The following DYNC2I2 variants were observed in gnomAD, a reference collection of about 807,000 sequenced individuals.
DYNC2I2 encodes dynein 2 intermediate chain 2.
DYNC2I2 carries 39 observed loss-of-function variants against 52.0 expected under a neutral mutation model. The observed-to-expected ratio is 0.75, with a 90% CI of 0.58 to 0.98. The LOEUF is 0.98. Among genes scored for constraint, DYNC2I2 ranks in the 50% least tolerant of loss-of-function variants. DYNC2I2 has a pLI of 0.00. For synonymous variants in DYNC2I2, 359 were observed against 321.1 expected (o/e 1.12, Z -1.26); for missense variants, 743 against 728.4 (o/e 1.02, Z -0.23).
chr9:128,670,927 C>A, the DYNC2I2 span, among the ~76,000 whole-genome samples: 1 of 150,572 alleles, frequency 6.6e-6, no homozygotes, highest in Non-Finnish European at 1.5e-5. Flanking sequence ...ATCAGCCAGG[C>A]GTGGTGGCAC....
intron 1 of DYNC2I2, among the ~76,000 whole-genome samples, chr9:128,649,016 G>A (rs1171231459): frequency 6.6e-6 from 1 of 152,122 alleles, no homozygotes; most frequent in Non-Finnish European, 1.5e-5. Context: ...ACTCACCCCT[G>A]CCCTCAAGGA....
At chr9:128,635,347 GA>G (rs1027007055) in intron 5 of DYNC2I2, 88 bp from the exon 6 acceptor site, 46,802 of 985,942 alleles carry the variant, frequency 0.047, no homozygotes, top group South Asian at 0.074. Flanking sequence ...TCTCTTCCAG[GA>G]AAAAAAAAAA....
upstream of DYNC2I2, among the ~76,000 whole-genome samples, chr9:128,657,628 GC>G (rs1320497415): frequency 2.0e-5 from 3 of 151,900 alleles, no homozygotes; most frequent in African/African-American, 2.4e-5. Context: ...CATAGTGAGA[GC>G]CCGTCTCTAC....
intron 1 of DYNC2I2, among the ~76,000 whole-genome samples, chr9:128,643,143 G>C (rs1479885886): frequency 6.6e-6 from 1 of 152,218 alleles, no homozygotes; most frequent in Non-Finnish European, 1.5e-5. Flanking sequence ...CCAGCACTTT[G>C]GGAGGCTGAA....
At chr9:128,680,116 A>G in the DYNC2I2 span, among the ~76,000 whole-genome samples, 1 of 151,768 alleles carries the variant, frequency 6.6e-6, no homozygotes, top group African/African-American at 2.4e-5. Context: ...GCTGGAGTGC[A>G]ATGGTGTGAC....
chr9:128,633,682 G>T lies in DYNC2I2; in HGVS notation c.*62C>A. On this transcript the variant is annotated 3_prime_UTR_variant, in exon 9 of 9. Coordinates refer to ENST00000372715, the MANE Select transcript of DYNC2I2 (RefSeq NM_052844.4). ...CCCAAAGCTTTGCTTTTCTTCATTT[G>T]GCTTGCGTCAGAAACACAAGGCTCG... The T allele has an allele frequency of 6.5e-7, 1 of 1,529,380 alleles. No homozygotes were observed. Among genetic ancestry groups the T allele is most frequent in the South Asian group, 1.2e-5 (1 of 85,202 alleles). The allele number at this position is 1,529,380 out of a possible 1,614,324, so 94.7% of individuals were successfully genotyped here. A position where few individuals can be genotyped will look rare whatever the true frequency, so the allele number is the denominator to read the frequency against.
At chr9:128,667,516 G>A in the DYNC2I2 span, among the ~76,000 whole-genome samples, 3 of 150,052 alleles carry the variant, frequency 2.0e-5, no homozygotes, top group Non-Finnish European at 4.4e-5. Context: ...AGTAGAGATG[G>A]GGTTTCATTA....
At chr9:128,636,499 A>G (rs1358423727) in intron 3 of DYNC2I2, 61 bp from the exon 4 acceptor site, 2 of 1,522,032 alleles carry the variant, frequency 1.3e-6, no homozygotes, top group Non-Finnish European at 1.8e-6. Context: ...CACCCACCCC[A>G]CCTCTCTCCC....
At chr9:128,663,639 T>C in the DYNC2I2 span, 12 of 144,490 alleles carry the variant, frequency 8.3e-5, no homozygotes, top group African/African-American at 2.7e-4. Flanking sequence ...ATATCTATTA[T>C]AGTTTTTTTC....
intron 1 of DYNC2I2, among the ~76,000 whole-genome samples, chr9:128,654,025 A>T (rs1860770386): frequency 6.6e-6 from 1 of 152,168 alleles, no homozygotes; most frequent in Non-Finnish European, 1.5e-5. Flanking sequence ...GAAAACAAAA[A>T]ACAAAAACAA....
In DYNC2I2 at chr9:128,633,726, C is replaced by A. The variant is rs778052773; in HGVS notation, c.*18G>T. Reference sequence around the variant, plus strand: ...AGGCTCGGCACAGCGAAGGCTTGCACCCGCCTCCCGGGACCCCTCAGGCCG... The same window carrying A: ...AGGCTCGGCACAGCGAAGGCTTGCAACCGCCTCCCGGGACCCCTCAGGCCG... On this transcript the variant is annotated 3_prime_UTR_variant, in exon 9 of 9. Coordinates refer to ENST00000372715, the MANE Select transcript of DYNC2I2 (RefSeq NM_052844.4). 1.9e-6 allele frequency: 3 copies of A among 1,608,304 alleles called. No homozygotes were observed. The highest frequency in any genetic ancestry group is 2.5e-6 in the Non-Finnish European group (3 of 1,178,126).
intron 1 of DYNC2I2, among the ~76,000 whole-genome samples, chr9:128,646,908 C>A (rs959861497): frequency 6.6e-6 from 1 of 152,172 alleles, no homozygotes; most frequent in Non-Finnish European, 1.5e-5. Flanking sequence ...AGGTGGATCA[C>A]GAGGACAGGA....
At position 128,634,292 on chromosome 9, in the gene DYNC2I2, TGAGG is replaced by T. The variant is rs1860312936; in HGVS notation, c.1302_1305del (p.Leu435SerfsTer40). On this transcript the variant is annotated frameshift_variant, in exon 8 of 9. Coordinates refer to ENST00000372715, the MANE Select transcript of DYNC2I2 (RefSeq NM_052844.4). LOFTEE classifies it high-confidence loss of function. ...GACCAGCGCACAGCAAACAGATACT[TGAGG>T]GAGAGCTGCAGCGAAGTCAAGGGAG... 6.2e-7 allele frequency: 1 copy of T among 1,613,614 alleles called. No individual in the cohort carries two copies. Among genetic ancestry groups the T allele is most frequent in the Non-Finnish European group, 8.5e-7 (1 of 1,179,924 alleles).
At chr9:128,660,225 C>T (rs1860902060), upstream of DYNC2I2, among the ~76,000 whole-genome samples, 2 of 151,876 alleles carry the variant, frequency 1.3e-5, no homozygotes, top group Non-Finnish European at 2.9e-5. Context: ...TCTCCTGCCT[C>T]GGCCTCCCAA....
chr9:128,645,252 T>C (rs1011806194), intron 1 of DYNC2I2, among the ~76,000 whole-genome samples: 1 of 151,848 alleles, frequency 6.6e-6, no homozygotes, highest in African/African-American at 2.4e-5. Flanking sequence ...TCCCACCACT[T>C]TGGGAGGCCA....
At chr9:128,640,645 A>G (rs1860495485) in intron 2 of DYNC2I2, 46 bp downstream of exon 2, 7 of 1,583,600 alleles carry the variant, frequency 4.4e-6, no homozygotes, top group Non-Finnish European at 6.0e-6. Flanking sequence ...AGGAGACAGA[A>G]GTGGGGCAGG....
intron 1 of DYNC2I2, among the ~76,000 whole-genome samples, chr9:128,643,860 C>G (rs73623577): frequency 7.7e-4 from 117 of 152,306 alleles, no homozygotes; most frequent in African/African-American, 2.6e-3. Context: ...GCCTCAGCCA[C>G]CCACGGGGAG....
At chr9:128,635,809 C>T (rs769987106) in intron 4 of DYNC2I2, 42 bp from the exon 5 acceptor site, 1 of 1,557,412 alleles carries the variant, frequency 6.4e-7, no homozygotes, top group Non-Finnish European at 8.8e-7. Context: ...AGCCCCACCC[C>T]CAGCCTGACT....
At chr9:128,646,089 T>G (rs771757905) in intron 1 of DYNC2I2, among the ~76,000 whole-genome samples, 1 of 152,234 alleles carries the variant, frequency 6.6e-6, no homozygotes, top group South Asian at 2.1e-4. Flanking sequence ...ATCTCCATAA[T>G]GTACAAATAC....
Sources: allele counts gnomAD v4.1 joint callset (sites outside exome capture counted in the v4.1 genomes callset), GRCh38; gene constraint gnomAD v4.1.1; transcripts MANE v1.5; gene names NCBI Gene and HGNC (gene_info 2026-07-23, HGNC 2026-07-21).